SCN9A: variants seen among roughly 807,000 people sequenced by gnomAD.
SCN9A encodes the protein sodium voltage-gated channel alpha subunit 9.
SCN9A carries 131 observed loss-of-function variants against 187.0 expected under a neutral mutation model. That is an observed-to-expected ratio of 0.70 (90% confidence interval 0.61 to 0.81). SCN9A has a LOEUF of 0.81. Among genes scored for constraint, SCN9A ranks in the 30% least tolerant of loss-of-function variants. SCN9A has a pLI of 0.00. For synonymous variants in SCN9A, 809 were observed against 808.6 expected (o/e 1.00, Z -0.01); for missense variants, 2,252 against 2,396.6 (o/e 0.94, Z 1.26).
Position 166,238,344 on chromosome 2 carries a change from C to T in SCN9A, c.3628-77G>A, listed in dbSNP as rs564422039. On this transcript the variant is annotated intron_variant, in intron 19 of 26. Coordinates refer to ENST00000642356, the MANE Select transcript of SCN9A (RefSeq NM_001365536.1). ...TCATTTAAAAAAAACAGGAAAAATACAATTCTAATGCTAAGACTGCTGAAA... is the reference window on the plus strand; with the variant it reads ...TCATTTAAAAAAAACAGGAAAAATATAATTCTAATGCTAAGACTGCTGAAA... 78 of 961,806 alleles carry T rather than the reference C, an allele frequency of 8.1e-5. 1 individual carries two copies. The East Asian group carries it at 1.9e-3, about 23-fold the overall frequency. The allele number at this position is 961,806 out of a possible 1,614,324, so 59.6% of individuals were successfully genotyped here.
intron 1 of SCN9A, among the ~76,000 whole-genome samples, chr2:166,370,235 A>AATAATCATCATCATCATCATC (rs1553507745): frequency 2.9e-5 from 4 of 137,182 alleles, no homozygotes; most frequent in African/African-American, 1.1e-4. Flanking sequence ...TAATAATAAT[A>AATAATCATCATCATCATCATC]ATCATCATCA....
intron 18 of SCN9A, among the ~76,000 whole-genome samples, chr2:166,243,118 C>T (rs1009431261): frequency 6.6e-6 from 1 of 152,042 alleles, no homozygotes; most frequent in Non-Finnish European, 1.5e-5. Context: ...TTAGTGGAAA[C>T]TCCTGAAATT....
chr2:166,270,634 A>C (rs1696934438), intron 17 of SCN9A, among the ~76,000 whole-genome samples: 1 of 150,550 alleles, frequency 6.6e-6, no homozygotes, highest in Non-Finnish European at 1.5e-5. Flanking sequence ...TTATGTATTG[A>C]TTTTTTTTGA....
chr2:166,280,896 C>T (rs2106476756), intron 13 of SCN9A, among the ~76,000 whole-genome samples: 1 of 152,218 alleles, frequency 6.6e-6, no homozygotes, highest in African/African-American at 2.4e-5. Context: ...AACTATGTTT[C>T]CTTAACAGAG....
chr2:166,271,195 T>C (rs1330367897), intron 17 of SCN9A, among the ~76,000 whole-genome samples: 1 of 118,902 alleles, frequency 8.4e-6, no homozygotes, highest in Non-Finnish European at 2.0e-5. Context: ...TAAAATTGTT[T>C]GCGGTTCAAA....
intron 1 of SCN9A, among the ~76,000 whole-genome samples, chr2:166,324,072 G>A (rs1699306155): frequency 6.6e-6 from 1 of 151,364 alleles, no homozygotes; most frequent in South Asian, 2.1e-4. Flanking sequence ...AATAATTTCA[G>A]GCTGTTTTGC....
chr2:166,343,064 A>T (rs1228008385), intron 1 of SCN9A, among the ~76,000 whole-genome samples: 2 of 152,222 alleles, frequency 1.3e-5, no homozygotes, highest in African/African-American at 4.8e-5. Flanking sequence ...GAGCCTGTAA[A>T]ATTAACTAAA....
At chr2:166,264,545 C>T (rs1426243146) in intron 17 of SCN9A, among the ~76,000 whole-genome samples, 1 of 151,848 alleles carries the variant, frequency 6.6e-6, no homozygotes, top group Non-Finnish European at 1.5e-5. Flanking sequence ...TTGACTAAAC[C>T]GTTTGTTTTA....
intron 7 of SCN9A, among the ~76,000 whole-genome samples, chr2:166,297,616 G>A (rs987065317): frequency 1.3e-5 from 2 of 151,730 alleles, no homozygotes; most frequent in Non-Finnish European, 2.9e-5. Context: ...GGAGAAAAGG[G>A]AAATGGGGAA....
intron 1 of SCN9A, among the ~76,000 whole-genome samples, chr2:166,334,756 T>C (rs1699587108): frequency 6.6e-6 from 1 of 152,158 alleles, no homozygotes; most frequent in Non-Finnish European, 1.5e-5. Context: ...GTAGATTTTG[T>C]CCTATAGCAC....
chr2:166,339,859 G>A (rs1476155193), intron 1 of SCN9A, among the ~76,000 whole-genome samples: 1 of 152,116 alleles, frequency 6.6e-6, no homozygotes, highest in Non-Finnish European at 1.5e-5. Flanking sequence ...ATTTCTCTTT[G>A]AAATTTAATT....
intron 17 of SCN9A, among the ~76,000 whole-genome samples, chr2:166,266,080 G>C (rs1162118734): frequency 1.3e-5 from 2 of 151,796 alleles, no homozygotes; most frequent in Admixed American, 6.6e-5. Flanking sequence ...AATCCAATTT[G>C]TCTATATTTG....
At chr2:166,373,812 T>C (rs1700620944) in intron 1 of SCN9A, among the ~76,000 whole-genome samples, 1 of 152,102 alleles carries the variant, frequency 6.6e-6, no homozygotes, top group South Asian at 2.1e-4. Context: ...CTTAGAAAAG[T>C]ACCATATAAA....
chr2:166,290,551 T>G (rs1268195170), intron 9 of SCN9A, among the ~76,000 whole-genome samples: 4 of 152,192 alleles, frequency 2.6e-5, no homozygotes, highest in African/African-American at 9.6e-5. Context: ...AAAGTGCTAC[T>G]ATTTCTTCAT....
rs147176773 is a variant in SCN9A, at chr2:166,240,075, T to G, written c.3628-1808A>C. Among the ~76,000 whole-genome samples the G allele has an allele frequency of 2.2e-3, 332 of 152,356 alleles. 2 individuals are homozygous for G. Among genetic ancestry groups the G allele is most frequent in the African/African-American group, 7.7e-3 (319 of 41,594 alleles). ...GATATGGTGACTTTGATTTTAGATG[T>G]CAATTCAGTGATAGCTCTGTCATTT... On this transcript the variant is annotated intron_variant, in intron 19 of 26. Transcript: ENST00000642356.
intron 16 of SCN9A, among the ~76,000 whole-genome samples, chr2:166,275,438 A>G (rs899782395): frequency 2.0e-5 from 3 of 152,046 alleles, no homozygotes; most frequent in Admixed American, 6.6e-5. Context: ...TACAAAAATT[A>G]GCTGGCACGG....
At chr2:166,370,887 CTT>C (rs1700545710) in intron 1 of SCN9A, among the ~76,000 whole-genome samples, 1 of 151,846 alleles carries the variant, frequency 6.6e-6, no homozygotes, top group Non-Finnish European at 1.5e-5. Context: ...TGTACACACT[CTT>C]TCTAAATTTC....
intron 24 of SCN9A, among the ~76,000 whole-genome samples, chr2:166,219,903 A>C (rs556328174): frequency 6.6e-6 from 1 of 152,330 alleles, no homozygotes; most frequent in South Asian, 2.1e-4. Context: ...AGATCAAAAC[A>C]TTGTTTTGTA....
intron 20 of SCN9A, among the ~76,000 whole-genome samples, chr2:166,236,503 C>T (rs1280360931): frequency 1.3e-5 from 2 of 152,166 alleles, no homozygotes; most frequent in African/African-American, 4.8e-5. Flanking sequence ...TCACTGAAAC[C>T]TCTGCCTACC....
Sources: gnomAD v4.1 joint callset for allele counts (sites outside exome capture counted in the v4.1 genomes callset) on GRCh38, gnomAD v4.1.1 for gene constraint, MANE v1.5 for transcripts, NCBI Gene and HGNC (gene_info 2026-07-23, HGNC 2026-07-21) for gene names.